RALGPS2: variants seen among roughly 807,000 people sequenced by gnomAD.
The protein encoded by RALGPS2 is Ral GEF with PH domain and SH3 binding motif 2.
In RALGPS2, 43 loss-of-function variants were observed where a neutral mutation model predicts 86.8. The observed-to-expected ratio is 0.50, with a 90% CI of 0.39 to 0.64. The LOEUF (loss-of-function observed/expected upper bound fraction) is 0.64. Among genes scored for constraint, RALGPS2 ranks in the 30% least tolerant of loss-of-function variants. The pLI is 0.00. For synonymous variants in RALGPS2, 243 were observed against 231.3 expected (o/e 1.05, Z -0.46); for missense variants, 536 against 694.6 (o/e 0.77, Z 2.57).
rs114611433 is a variant in RALGPS2 at position 178,726,507 on chromosome 1, G to C, written c.-84+1088G>C. Among the ~76,000 whole-genome samples, 1,351 of 151,732 alleles carry C rather than the reference G, an allele frequency of 8.9e-3. 19 individuals carry two copies. The highest frequency in any genetic ancestry group is 0.031 in the African/African-American group (1,277 of 41,312). ...GGAAGAAAGGGCACTGATGTTAGCT[G>C]TGGAGGAGGGGCAATTGAAATACTA... On this transcript the variant is annotated intron_variant, in intron 1 of 19. Transcript: ENST00000367635.
At chr1:178,746,692 T>C in intron 1 of RALGPS2, 1 of 774,084 alleles carries the variant, frequency 1.3e-6, no homozygotes, top group Admixed American at 1.7e-5. Flanking sequence ...ATTAGGTATC[T>C]GTCAATCTTG....
At chr1:178,818,507 C>T (rs1315806093) in intron 6 of RALGPS2, among the ~76,000 whole-genome samples, 6 of 152,156 alleles carry the variant, frequency 3.9e-5, no homozygotes, top group Non-Finnish European at 1.5e-5. Context: ...GGTACAGGCC[C>T]CTTGCTGTAG....
intron 8 of RALGPS2, among the ~76,000 whole-genome samples, chr1:178,835,467 AC>A (rs1317704753): frequency 1.4e-5 from 2 of 144,426 alleles, no homozygotes; most frequent in African/African-American, 5.2e-5. Flanking sequence ...GTCTCAGCTC[AC>A]TGCAACCTCC....
intron 14 of RALGPS2, among the ~76,000 whole-genome samples, chr1:178,891,603 A>T (rs933276848): frequency 3.4e-5 from 5 of 148,454 alleles, no homozygotes; most frequent in African/African-American, 1.0e-4. Context: ...GTCTGTTTTT[A>T]TTTTTTTTGT....
chr1:178,843,983 A>T (rs192740106), intron 8 of RALGPS2, among the ~76,000 whole-genome samples: 1 of 152,324 alleles, frequency 6.6e-6, no homozygotes, highest in Admixed American at 6.5e-5. Flanking sequence ...TATTTAATCT[A>T]TTAAAACATA....
chr1:178,732,445 C>A (rs113887813), intron 1 of RALGPS2, among the ~76,000 whole-genome samples: 1 of 152,044 alleles, frequency 6.6e-6, no homozygotes, highest in African/African-American at 2.4e-5. Flanking sequence ...ACTACAGTTG[C>A]GTGCCACCAC....
chr1:178,848,103 G>A (rs1656956671), intron 8 of RALGPS2, among the ~76,000 whole-genome samples: 1 of 152,092 alleles, frequency 6.6e-6, no homozygotes, highest in Non-Finnish European at 1.5e-5. Context: ...GAGGCCAGGA[G>A]TTTGAGACCA....
chr1:178,746,622 C>G, intron 1 of RALGPS2: 1 of 748,586 alleles, frequency 1.3e-6, no homozygotes, highest in Non-Finnish European at 2.5e-6. Context: ...GGCTTCAGGT[C>G]TTGATTTGCA....
chr1:178,775,729 G>A (rs1469018712), intron 1 of RALGPS2, among the ~76,000 whole-genome samples: 6 of 152,102 alleles, frequency 3.9e-5, no homozygotes, highest in African/African-American at 1.2e-4. Flanking sequence ...GTGTTTGTTT[G>A]TTATGTGGGT....
chr1:178,838,888 T>G (rs760748202), intron 8 of RALGPS2, among the ~76,000 whole-genome samples: 15 of 152,246 alleles, frequency 9.9e-5, no homozygotes, highest in Non-Finnish European at 2.1e-4. Flanking sequence ...AGTAGCCTAT[T>G]CGATCAACTG....
At chr1:178,844,737 G>A (rs1240706863) in intron 8 of RALGPS2, among the ~76,000 whole-genome samples, 1 of 152,120 alleles carries the variant, frequency 6.6e-6, no homozygotes, top group Non-Finnish European at 1.5e-5. Flanking sequence ...AATTTGGCAT[G>A]GTAAGTTTTA....
At chr1:178,767,906 G>C (rs1026072983) in intron 1 of RALGPS2, among the ~76,000 whole-genome samples, 2 of 152,130 alleles carry the variant, frequency 1.3e-5, no homozygotes, top group Admixed American at 6.5e-5. Flanking sequence ...ATAACGGGAG[G>C]CCATGCCATC....
intron 1 of RALGPS2, among the ~76,000 whole-genome samples, chr1:178,766,705 A>G (rs1297547809): frequency 6.6e-6 from 1 of 152,102 alleles, no homozygotes; most frequent in Non-Finnish European, 1.5e-5. Flanking sequence ...ACCTTGGAGA[A>G]TCGGATGACT....
intron 7 of RALGPS2, among the ~76,000 whole-genome samples, chr1:178,827,905 G>A (rs1655828851): frequency 6.6e-6 from 1 of 152,138 alleles, no homozygotes; most frequent in African/African-American, 2.4e-5. Context: ...AAAACTGGAT[G>A]TCCGCATGCA....
At chr1:178,912,862 G>A (rs1227147067) in intron 19 of RALGPS2, among the ~76,000 whole-genome samples, 1 of 152,120 alleles carries the variant, frequency 6.6e-6, no homozygotes, top group East Asian at 1.9e-4. Flanking sequence ...TTTATCAAAG[G>A]TTTTGCTCAT....
intron 8 of RALGPS2, among the ~76,000 whole-genome samples, chr1:178,845,272 C>G (rs1184732024): frequency 6.6e-6 from 1 of 152,062 alleles, no homozygotes; most frequent in Non-Finnish European, 1.5e-5. Flanking sequence ...AGATATGACT[C>G]CTTTTTCCTG....
chr1:178,883,498 C>A lies in RALGPS2; in HGVS notation c.869C>A (p.Thr290Asn). 6.2e-7 allele frequency: 1 copy of A among 1,613,406 alleles called. No individual in the cohort carries two copies. Among genetic ancestry groups the A allele is most frequent in the South Asian group, 1.1e-5 (1 of 91,056 alleles). ...TTAAAGATAGAACCAGGGACAAGCA[C>A]CCCACGTTCTGCTGCTTCCAGAGAA... ...LSLKIEPGTS[T>N]PRSAASREDL... Residue 290 changes from threonine to asparagine, a missense_variant, in exon 11 of 20, where the codon ACC becomes AAC. Around this residue, in one of 3 missense-constraint regions of RALGPS2, gnomAD observed 309 missense variants for 363.0 expected, o/e 0.85. Transcript: ENST00000367635.
chr1:178,725,801 GTCTT>G (rs1649952605), intron 1 of RALGPS2: 1 of 152,344 alleles, frequency 6.6e-6, no homozygotes, highest in African/African-American at 2.4e-5. Context: ...CGGCGCCTCA[GTCTT>G]CCTTCAGGTG....
intron 11 of RALGPS2, 109 bp from the exon 12 acceptor site, chr1:178,884,967 A>G: frequency 2.8e-6 from 3 of 1,067,982 alleles, no homozygotes; most frequent in Non-Finnish European, 3.8e-6. Context: ...CCAATTAAAT[A>G]GAACTAACAT....
Sources: allele counts gnomAD v4.1 joint callset (sites outside exome capture counted in the v4.1 genomes callset), GRCh38; gene constraint gnomAD v4.1.1; regional missense constraint gnomAD v4.1.1; transcripts MANE v1.5; gene names NCBI Gene and HGNC (gene_info 2026-07-23, HGNC 2026-07-21).